The following SOS1 variants were observed in gnomAD, a reference collection of about 807,000 sequenced individuals.
The protein encoded by SOS1 is son of sevenless homolog 1.
SOS1 carries 25 observed loss-of-function variants against 157.6 expected under a neutral mutation model. That is an observed-to-expected ratio of 0.16 (90% CI 0.12 to 0.22). The LOEUF (loss-of-function observed/expected upper bound fraction) is 0.22. SOS1 is among the 10% of genes least tolerant of loss of function. The pLI, the probability that SOS1 is intolerant of heterozygous loss-of-function variation, is 1.00. For missense variants in SOS1, 1,237 were observed against 1,599.1 expected (o/e 0.77, Z 3.86); for synonymous variants, 528 against 534.0 (o/e 0.99, Z 0.16).
intron 1 of SOS1, among the ~76,000 whole-genome samples, chr2:39,071,467 A>G (rs1178848145): frequency 1.3e-5 from 2 of 152,226 alleles, no homozygotes; most frequent in African/African-American, 4.8e-5. Flanking sequence ...TACAATTTGA[A>G]AAGGGAAAAT....
rs1442652313 is a variant in SOS1, at chr2:39,006,484, A to G, written c.2719T>C (p.Leu907=). ...QKKILEEAHE[L]SEDHYKKYLA... ...TATTTCTTATAGTGATCTTCACTCA[A>G]TTCATGAGCTTCTTCTAAAATTTTC... Residue 907 remains leucine, a synonymous_variant, in exon 17 of 23, where the codon TTG becomes CTG. Coordinates refer to ENST00000402219, the MANE Select transcript of SOS1 (RefSeq NM_005633.4). 2.5e-6 allele frequency: 4 copies of G among 1,610,106 alleles called. No homozygotes were observed. Among genetic ancestry groups the G allele is most frequent in the Non-Finnish European group, 3.4e-6 (4 of 1,176,700 alleles).
At position 39,109,186 on chromosome 2, in the gene SOS1, G is replaced by T. The variant is rs558541753; in HGVS notation, c.87+11150C>A. The stretch of plus-strand genomic sequence containing the variant: ...TGCACTCCAGCCTGGATGACAGAGC[G>T]AGAACTTGTCTCGAAAAAATAAAAT... On this transcript the variant is annotated intron_variant, in intron 1 of 22. Coordinates refer to ENST00000402219, the MANE Select transcript of SOS1 (RefSeq NM_005633.4). Among the ~76,000 whole-genome samples the T allele has an allele frequency of 3.9e-5, 6 of 152,236 alleles. No homozygotes were observed. The South Asian group carries it at 1.2e-3, about 32-fold the overall frequency.
chr2:38,998,499 C>T (rs1040667578), intron 17 of SOS1, among the ~76,000 whole-genome samples: 1 of 152,164 alleles, frequency 6.6e-6, no homozygotes, highest in Non-Finnish European at 1.5e-5. Flanking sequence ...GATCCACCCA[C>T]CTTGGCCTCC....
chr2:39,010,845 G>T (rs1669441875), intron 14 of SOS1, 142 bp from the exon 15 acceptor site: 1 of 649,734 alleles, frequency 1.5e-6, no homozygotes, highest in Non-Finnish European at 2.7e-6. Flanking sequence ...TGAAAACAAG[G>T]TATAACAAAA....
intron 15 of SOS1, 66 bp downstream of exon 15, chr2:39,010,514 CAAAA>C: frequency 1.4e-6 from 2 of 1,474,148 alleles, no homozygotes; most frequent in East Asian, 4.6e-5. Flanking sequence ...AAAAAACAAA[CAAAA>C]AAATTGCATT....
chr2:39,067,193 T>C (rs1356673664), intron 2 of SOS1, among the ~76,000 whole-genome samples: 2 of 152,006 alleles, frequency 1.3e-5, no homozygotes, highest in Non-Finnish European at 2.9e-5. Context: ...AACAAATTTT[T>C]TTTAGAGATG....
chr2:39,090,557 A>C (rs1672555185), intron 1 of SOS1, among the ~76,000 whole-genome samples: 2 of 151,974 alleles, frequency 1.3e-5, no homozygotes, highest in African/African-American at 2.4e-5. Flanking sequence ...TTAGCCAGGC[A>C]TGGTGGCAGG....
chr2:39,067,851 G>A, intron 1 of SOS1, 98 bp from the exon 2 acceptor site: 1 of 1,054,946 alleles, frequency 9.5e-7, no homozygotes, highest in Non-Finnish European at 1.5e-6. Flanking sequence ...GGGCACGGTG[G>A]CTCATGCCTG....
intron 2 of SOS1, among the ~76,000 whole-genome samples, chr2:39,064,853 G>A (rs1195253896): frequency 3.0e-5 from 4 of 133,594 alleles, no homozygotes; most frequent in Middle Eastern, 4.6e-3. Context: ...GGTTCAAGTG[G>A]TTCTCCTGCC....
intron 1 of SOS1, among the ~76,000 whole-genome samples, chr2:39,115,406 CTTTTTTT>C (rs550526461): frequency 4.7e-4 from 30 of 64,064 alleles, no homozygotes; most frequent in South Asian, 1.1e-3. Context: ...TGTTCTCTCT[CTTTTTTT>C]TTTTTTTTTT....
rs921864843 is a variant in SOS1 at position 39,090,372 on chromosome 2, G to A, written c.88-22619C>T. On this transcript the variant is annotated intron_variant, in intron 1 of 22. Transcript: ENST00000402219. ...GTTGACATAGTAACATAGTAACTGA[G>A]CTCTTACATACAGTATTTTTTGTTT... is the stretch of plus-strand genomic sequence containing the variant. 3.3e-5 allele frequency among the ~76,000 whole-genome samples: 5 copies of A among 152,040 alleles called. 1 individual carries two copies. The highest frequency in any genetic ancestry group is 7.4e-5 in the Non-Finnish European group (5 of 68,010).
chr2:39,053,958 C>T (rs545057811), intron 5 of SOS1, among the ~76,000 whole-genome samples: 12 of 151,608 alleles, frequency 7.9e-5, no homozygotes, highest in African/African-American at 2.2e-4. Context: ...GACGGAGTCT[C>T]GCTCTGTCGC....
intron 1 of SOS1, among the ~76,000 whole-genome samples, chr2:39,104,207 A>G (rs530014587): frequency 6.6e-6 from 1 of 152,256 alleles, no homozygotes; most frequent in African/African-American, 2.4e-5. Flanking sequence ...GCTTGAACCC[A>G]GGAGGCAGAG....
chr2:39,073,417 A>AT (rs1671854063), intron 1 of SOS1, among the ~76,000 whole-genome samples: 3 of 152,346 alleles, frequency 2.0e-5, no homozygotes, highest in Admixed American at 6.5e-5. Context: ...ACTTCTTTAT[A>AT]TTTTCTTAAA....
At position 39,120,847 on chromosome 2, in the gene SOS1, C is replaced by T. The variant is rs1673854441; in HGVS notation, c.-425G>A. Among the ~76,000 whole-genome samples, 1 of 151,316 alleles carries T rather than the reference C, an allele frequency of 6.6e-6. No individual in the cohort carries two copies. The highest frequency in any genetic ancestry group is 1.5e-5 in the Non-Finnish European group (1 of 67,732). Reference sequence around the variant, plus strand: ...GTGGAGGGACGCTCCGGCCGCGGCGCCCGCTCCGCGTAGTTGGGACTCCGA... The same window carrying T: ...GTGGAGGGACGCTCCGGCCGCGGCGTCCGCTCCGCGTAGTTGGGACTCCGA... On this transcript the variant is annotated 5_prime_UTR_variant, in exon 1 of 23. Transcript: ENST00000402219.
At chr2:39,105,992 G>C (rs1447416983) in intron 1 of SOS1, among the ~76,000 whole-genome samples, 1 of 152,096 alleles carries the variant, frequency 6.6e-6, no homozygotes, top group Non-Finnish European at 1.5e-5. Flanking sequence ...CCAGGCGGGT[G>C]AATCTCCTGA....
chr2:39,054,520 A>T (rs1671137041), intron 5 of SOS1, 94 bp downstream of exon 5: 1 of 731,454 alleles, frequency 1.4e-6, no homozygotes, highest in African/African-American at 1.8e-5. Context: ...AAATTAACAA[A>T]TTAGTAATGA....
rs1000244203 is a variant in SOS1 at position 38,984,192 on chromosome 2, T to C, written c.*1632A>G. On this transcript the variant is annotated 3_prime_UTR_variant, in exon 23 of 23. Coordinates refer to ENST00000402219, the MANE Select transcript of SOS1 (RefSeq NM_005633.4). ...AAATGTTGCTTCATTATTCAGAGGA[T>C]ACATGCAGATGCTGATGAACCAGAT... is the stretch of plus-strand genomic sequence containing the variant. The C allele has an allele frequency of 1.5e-5, 2 of 134,878 alleles. No homozygotes were observed. The highest frequency in any genetic ancestry group is 2.8e-5 in the African/African-American group (1 of 35,318). The allele number at this position is 134,878 out of a possible 1,614,324, so 8.4% of individuals were successfully genotyped here.
At chr2:39,122,281 T>A (rs1673917400), upstream of SOS1, among the ~76,000 whole-genome samples, 1 of 151,712 alleles carries the variant, frequency 6.6e-6, no homozygotes, top group African/African-American at 2.4e-5. Flanking sequence ...AATACAAAAA[T>A]TAGCCGAGCA....
Sources: allele counts gnomAD v4.1 joint callset (sites outside exome capture counted in the v4.1 genomes callset), GRCh38; gene constraint gnomAD v4.1.1; transcripts MANE v1.5; gene names NCBI Gene and HGNC (gene_info 2026-07-23, HGNC 2026-07-21).